FNDC3A: variants seen among roughly 807,000 people sequenced by gnomAD.
FNDC3A encodes fibronectin type III domain containing 3A.
FNDC3A carries 32 observed loss-of-function variants against 148.9 expected under a neutral mutation model. That is an observed-to-expected ratio of 0.21 (90% CI 0.16 to 0.29). The LOEUF is 0.29. Ranked by LOEUF, FNDC3A falls within the 10% of genes least tolerant of loss-of-function variation. The probability of loss-of-function intolerance (pLI) is 1.00; values close to 1 mark genes in which losing one functional copy is unlikely to be tolerated. For synonymous variants in FNDC3A, 472 were observed against 473.6 expected (o/e 1.00, Z 0.04); for missense variants, 1,191 against 1,452.8 (o/e 0.82, Z 2.93).
At chr13:49,119,803 A>G (rs1261444177) in intron 4 of FNDC3A, among the ~76,000 whole-genome samples, 1 of 152,110 alleles carries the variant, frequency 6.6e-6, no homozygotes, top group Non-Finnish European at 1.5e-5. Context: ...AAGAATGAAA[A>G]TGAACGAACA....
chr13:49,036,084 G>A (rs1369226664), intron 2 of FNDC3A, among the ~76,000 whole-genome samples: 2 of 152,074 alleles, frequency 1.3e-5, no homozygotes, highest in East Asian at 3.8e-4. Context: ...TTAGACATTT[G>A]TGAATTGATA....
intron 5 of FNDC3A, among the ~76,000 whole-genome samples, chr13:49,132,102 C>T (rs1882071806): frequency 6.6e-6 from 1 of 152,136 alleles, no homozygotes; most frequent in African/African-American, 2.4e-5. Flanking sequence ...TTGATTTCTC[C>T]TTTTCCAACC....
At chr13:49,045,746 T>C in intron 2 of FNDC3A, 1 of 863,818 alleles carries the variant, frequency 1.2e-6, no homozygotes. Context: ...GATGTTTTCT[T>C]TGTTTTGATT....
At chr13:48,994,732 G>T (rs1325250794) in intron 1 of FNDC3A, among the ~76,000 whole-genome samples, 1 of 151,740 alleles carries the variant, frequency 6.6e-6, no homozygotes, top group Non-Finnish European at 1.5e-5. Flanking sequence ...GAGCCGAGAT[G>T]TGCCACTGCT....
chr13:49,173,041 A>G (rs777889372), intron 11 of FNDC3A, among the ~76,000 whole-genome samples: 2 of 152,262 alleles, frequency 1.3e-5, no homozygotes, highest in Non-Finnish European at 2.9e-5. Context: ...AAAATATCTC[A>G]TAATGTTTTA....
At chr13:49,041,813 CAAA>C (rs771071135) in intron 2 of FNDC3A, among the ~76,000 whole-genome samples, 6 of 64,300 alleles carry the variant, frequency 9.3e-5, no homozygotes, top group Non-Finnish European at 6.8e-5. Context: ...GACTCTGTCT[CAAA>C]AAAAAAAAAA....
At chr13:49,205,377 G>A (rs1566330695) in intron 25 of FNDC3A, among the ~76,000 whole-genome samples, 3 of 152,138 alleles carry the variant, frequency 2.0e-5, no homozygotes, top group Non-Finnish European at 4.4e-5. Flanking sequence ...TCAGTGTTAT[G>A]TATACAATTT....
intron 2 of FNDC3A, among the ~76,000 whole-genome samples, chr13:49,024,191 C>T (rs565112929): frequency 2.6e-5 from 4 of 152,038 alleles, no homozygotes; most frequent in African/African-American, 4.8e-5. Context: ...AAGTAGAAAA[C>T]CTAAACGGAC....
chr13:49,033,208 A>T lies in FNDC3A; in HGVS notation c.99+26919A>T, dbSNP rs539028596. On this transcript the variant is annotated intron_variant, in intron 2 of 25. Transcript: ENST00000492622. ...TTTAAAATAAAATATATTTGTAAAC[A>T]GCATACTCTTAAATTCTGACTTGTT... Among the ~76,000 whole-genome samples, 87 of 152,334 alleles carry T rather than the reference A, an allele frequency of 5.7e-4. 1 individual carries two copies. Among genetic ancestry groups the T allele is most frequent in the South Asian group, 3.5e-3 (17 of 4,834 alleles).
chr13:49,150,773 C>T (rs985719113), intron 8 of FNDC3A, among the ~76,000 whole-genome samples: 1 of 151,798 alleles, frequency 6.6e-6, no homozygotes, highest in African/African-American at 2.4e-5. Context: ...GGTGAAATCC[C>T]GTCTCTACTA....
intron 14 of FNDC3A, among the ~76,000 whole-genome samples, chr13:49,180,909 T>C (rs562836735): frequency 6.6e-6 from 1 of 151,028 alleles, no homozygotes; most frequent in Non-Finnish European, 1.5e-5. Flanking sequence ...AAAAAAAAAA[T>C]TTGTTTTTTC....
chr13:49,113,043 C>G (rs962330576), intron 3 of FNDC3A, among the ~76,000 whole-genome samples: 1 of 149,354 alleles, frequency 6.7e-6, no homozygotes, highest in Non-Finnish European at 1.5e-5. Context: ...CTCCCCACCT[C>G]TTCTGTCCTT....
intron 6 of FNDC3A, among the ~76,000 whole-genome samples, chr13:49,137,392 T>C (rs1026515651): frequency 1.3e-5 from 2 of 152,226 alleles, no homozygotes; most frequent in African/African-American, 2.4e-5. Context: ...TCACCCAGGC[T>C]GGAATGCAGT....
chr13:49,196,040 C>T (rs1442644788), intron 19 of FNDC3A, among the ~76,000 whole-genome samples: 1 of 143,750 alleles, frequency 7.0e-6, no homozygotes, highest in Non-Finnish European at 1.5e-5. Flanking sequence ...CACCACTGCA[C>T]TCCTGCAGTC....
rs772136953 is a variant in FNDC3A, at chr13:49,136,340, T to G, written c.499T>G (p.Ser167Ala). 2 of 1,613,826 alleles carry G rather than the reference T, an allele frequency of 1.2e-6. No homozygotes were observed. Among genetic ancestry groups the G allele is most frequent in the East Asian group, 2.2e-5 (1 of 44,858 alleles). ...TTTTTATTGCCTCCTAGATGCTCAC[T>G]CTACACATGGAAGGTCCAACTTTAG... Reference protein sequence around the residue: ...SQVYGDVDAHSTHGRSNFRDE... With the variant: ...SQVYGDVDAHATHGRSNFRDE... Residue 167 changes from serine (S) to alanine (A), a missense_variant, in exon 6 of 26, where the codon TCT becomes GCT. Coordinates refer to ENST00000492622, the MANE Select transcript of FNDC3A (RefSeq NM_001079673.2).
At chr13:49,057,775 T>G (rs1290942205) in intron 2 of FNDC3A, among the ~76,000 whole-genome samples, 3 of 152,150 alleles carry the variant, frequency 2.0e-5, no homozygotes, top group African/African-American at 4.8e-5. Context: ...AATGACTTAT[T>G]GAAAATCTGG....
chr13:49,147,401 A>G (rs1241540678), intron 8 of FNDC3A, among the ~76,000 whole-genome samples: 1 of 151,992 alleles, frequency 6.6e-6, no homozygotes, highest in South Asian at 2.1e-4. Flanking sequence ...ATTTTTCATC[A>G]TATTTACTGG....
chr13:49,013,526 AC>A (rs1400984168), intron 2 of FNDC3A, among the ~76,000 whole-genome samples: 1 of 151,746 alleles, frequency 6.6e-6, no homozygotes, highest in Non-Finnish European at 1.5e-5. Flanking sequence ...ACACGTGTAT[AC>A]ATGTATATAC....
intron 1 of FNDC3A, among the ~76,000 whole-genome samples, chr13:48,985,283 G>T (rs1233647359): frequency 6.6e-6 from 1 of 152,210 alleles, no homozygotes; most frequent in Non-Finnish European, 1.5e-5. Flanking sequence ...GTTAAGTTTT[G>T]AAGGAATACT....
Sources: allele counts gnomAD v4.1 joint callset (sites outside exome capture counted in the v4.1 genomes callset), GRCh38; gene constraint gnomAD v4.1.1; transcripts MANE v1.5; gene names NCBI Gene and HGNC (gene_info 2026-07-23, HGNC 2026-07-21).